Variants in PPM1L observed in about 807,000 individuals in gnomAD.
PPM1L encodes the protein protein phosphatase 1L.
In PPM1L, 13 loss-of-function variants were observed where a neutral mutation model predicts 31.4. The observed-to-expected ratio is 0.41, with a 90% CI of 0.27 to 0.66. The LOEUF (loss-of-function observed/expected upper bound fraction) is 0.66. Ranked by LOEUF, PPM1L falls within the 30% of genes least tolerant of loss-of-function variation. PPM1L has a pLI of 0.29. For synonymous variants in PPM1L, 184 were observed against 175.4 expected (o/e 1.05, Z -0.39); for missense variants, 326 against 453.7 (o/e 0.72, Z 2.56).
intron 1 of PPM1L, among the ~76,000 whole-genome samples, chr3:160,767,084 C>G (rs1040961462): frequency 6.6e-6 from 1 of 152,178 alleles, no homozygotes; most frequent in African/African-American, 2.4e-5. Flanking sequence ...AACTTGGAAA[C>G]TTTTCTAGTT....
chr3:160,881,605 ATTTCCGTCTGC>A (rs1428431977), intron 1 of PPM1L, among the ~76,000 whole-genome samples: 1 of 152,154 alleles, frequency 6.6e-6, no homozygotes, highest in African/African-American at 2.4e-5. Context: ...TGATTTCAGA[ATTTCCGTCTGC>A]TTTTGACTAT....
At chr3:160,808,421 G>GAT (rs1366330051) in intron 1 of PPM1L, among the ~76,000 whole-genome samples, 10 of 151,202 alleles carry the variant, frequency 6.6e-5, no homozygotes, top group Non-Finnish European at 1.0e-4. Flanking sequence ...GTGTGTGTGT[G>GAT]TGGTGGGTGA....
intron 1 of PPM1L, among the ~76,000 whole-genome samples, chr3:160,961,483 C>T (rs1031004163): frequency 7.9e-5 from 12 of 152,102 alleles, no homozygotes; most frequent in Admixed American, 1.3e-4. Flanking sequence ...ACTAAATCTG[C>T]GAATATCTAA....
At chr3:160,953,905 CT>C (rs2108100482) in intron 1 of PPM1L, among the ~76,000 whole-genome samples, 1 of 152,304 alleles carries the variant, frequency 6.6e-6, no homozygotes, top group Non-Finnish European at 1.5e-5. Flanking sequence ...GCATGTTTTT[CT>C]TTCCCATCTG....
At chr3:160,830,258 A>G (rs906316425) in intron 1 of PPM1L, among the ~76,000 whole-genome samples, 3 of 152,190 alleles carry the variant, frequency 2.0e-5, no homozygotes, top group Non-Finnish European at 4.4e-5. Flanking sequence ...CTTTACATGG[A>G]TTAGCTCATT....
chr3:160,836,322 G>T (rs943060409), intron 1 of PPM1L, among the ~76,000 whole-genome samples: 5 of 147,600 alleles, frequency 3.4e-5, no homozygotes, highest in Middle Eastern at 3.6e-3. Context: ...AAGGAAGAGA[G>T]AGAGAGAGAG....
intron 1 of PPM1L, among the ~76,000 whole-genome samples, chr3:160,846,040 A>G (rs1714064872): frequency 6.6e-6 from 1 of 152,110 alleles, no homozygotes. Flanking sequence ...GCTTCATAAT[A>G]CCACTTAAAA....
At chr3:160,924,001 T>C (rs1559889282) in intron 1 of PPM1L, among the ~76,000 whole-genome samples, 1 of 152,206 alleles carries the variant, frequency 6.6e-6, no homozygotes, top group African/African-American at 2.4e-5. Flanking sequence ...TTTAGAGAAG[T>C]TGAGCTAATT....
chr3:160,873,122 C>G (rs1712375190), intron 1 of PPM1L, among the ~76,000 whole-genome samples: 1 of 152,090 alleles, frequency 6.6e-6, no homozygotes, highest in African/African-American at 2.4e-5. Flanking sequence ...GTTACCTTGG[C>G]ATGGACTCTT....
chr3:160,782,381 T>C (rs1469921316), intron 1 of PPM1L, among the ~76,000 whole-genome samples: 1 of 152,226 alleles, frequency 6.6e-6, no homozygotes, highest in African/African-American at 2.4e-5. Flanking sequence ...GACAGTGTGT[T>C]ACTCACAATC....
intron 2 of PPM1L, among the ~76,000 whole-genome samples, chr3:161,026,689 C>A (rs1718403585): frequency 8.0e-6 from 1 of 125,290 alleles, no homozygotes; most frequent in South Asian, 3.0e-4. Context: ...CAGAGTGAGA[C>A]TCTGTCTCAA....
At chr3:160,801,128 TACAC>T (rs10575984) in intron 1 of PPM1L, among the ~76,000 whole-genome samples, 49,023 of 145,400 alleles carry the variant, frequency 0.34, 8,286 homozygotes, top group East Asian at 0.5. Flanking sequence ...TGTTTAGTGA[TACAC>T]ACACACACAC....
intron 1 of PPM1L, among the ~76,000 whole-genome samples, chr3:160,909,540 C>A (rs755256679): frequency 1.1e-4 from 16 of 152,086 alleles, no homozygotes; most frequent in Non-Finnish European, 2.4e-4. Context: ...TGCCTGGGTT[C>A]AGAATAGAAA....
Position 161,076,903 on chromosome 3 carries a change from T to G in PPM1L, c.*7746T>G, listed in dbSNP as rs1161349770. 6.6e-6 allele frequency: 1 copy of G among 152,258 alleles called. No individual in the cohort carries two copies. The highest frequency in any genetic ancestry group is 1.5e-5 in the Non-Finnish European group (1 of 68,048). 9.4% of individuals were successfully genotyped at this position (152,258 alleles called of 1,614,324 possible). ...CATCATTGCATTTATAACAGATTGA[T>G]CAATCTTATGAACAGATTACATTGG... On this transcript the variant is annotated 3_prime_UTR_variant, in exon 4 of 4. Coordinates refer to ENST00000498165, the MANE Select transcript of PPM1L (RefSeq NM_139245.4).
chr3:160,890,878 G>A (rs1025927141), intron 1 of PPM1L, among the ~76,000 whole-genome samples: 1 of 152,132 alleles, frequency 6.6e-6, no homozygotes, highest in Non-Finnish European at 1.5e-5. Flanking sequence ...ATGGGGAAAG[G>A]ATCTCCTATT....
intron 1 of PPM1L, among the ~76,000 whole-genome samples, chr3:160,776,134 T>C (rs1201205241): frequency 6.6e-6 from 1 of 152,226 alleles, no homozygotes; most frequent in Admixed American, 6.5e-5. Context: ...GTTGAAGGAA[T>C]TACATTTTAG....
intron 2 of PPM1L, among the ~76,000 whole-genome samples, chr3:161,046,430 A>G (rs1291409985): frequency 2.6e-5 from 4 of 152,154 alleles, no homozygotes; most frequent in Non-Finnish European, 1.5e-5. Flanking sequence ...CAGGCTCTGA[A>G]ATTGAGGCAA....
chr3:160,933,829 G>T (rs1343243946), intron 1 of PPM1L, among the ~76,000 whole-genome samples: 2 of 152,146 alleles, frequency 1.3e-5, no homozygotes, highest in Non-Finnish European at 2.9e-5. Flanking sequence ...CATAAAAAAA[G>T]ATTTTGATAC....
At chr3:160,952,253 A>G (rs965473144) in intron 1 of PPM1L, among the ~76,000 whole-genome samples, 1 of 152,206 alleles carries the variant, frequency 6.6e-6, no homozygotes, top group Non-Finnish European at 1.5e-5. Flanking sequence ...GCAGCTGTCA[A>G]AAGTTAATGA....
Sources: gnomAD v4.1 joint callset for allele counts (sites outside exome capture counted in the v4.1 genomes callset) on GRCh38, gnomAD v4.1.1 for gene constraint, MANE v1.5 for transcripts, NCBI Gene and HGNC (gene_info 2026-07-23, HGNC 2026-07-21) for gene names.